RNF130: variants seen among roughly 807,000 people sequenced by gnomAD.
The protein encoded by RNF130 is E3 ubiquitin-protein ligase RNF130.
Under a neutral mutation model 44.6 loss-of-function variants are expected in RNF130, and 21 were observed. The ratio of observed to expected loss-of-function variants is 0.47; its 90% CI spans 0.33 to 0.68. The LOEUF is 0.68. RNF130 is among the 30% of genes least tolerant of loss of function. The pLI is 0.02. For synonymous variants in RNF130, 214 were observed against 210.4 expected (o/e 1.02, Z -0.15); for missense variants, 479 against 560.6 (o/e 0.85, Z 1.47).
At chr5:179,913,608 G>C (rs975280143) in exon 8 of RNF130, 11 of 152,304 alleles carry the variant, frequency 7.2e-5, no homozygotes, top group Admixed American at 6.5e-4. Context: ...AGGCTGTGGG[G>C]CCATAGCTGC....
At chr5:179,978,307 CA>C in intron 4 of RNF130, 22 bp from the exon 5 acceptor site, 1 of 1,523,630 alleles carries the variant, frequency 6.6e-7, no homozygotes, top group Non-Finnish European at 9.1e-7. Context: ...AGTACAGAAA[CA>C]AAAAGTCACA....
chr5:179,961,692 G>A (rs920174901), intron 8 of RNF130, among the ~76,000 whole-genome samples: 1 of 152,130 alleles, frequency 6.6e-6, no homozygotes, highest in African/African-American at 2.4e-5. Context: ...TTGCCTGATG[G>A]GTTAGCATGG....
At chr5:179,920,311 T>C (rs1353801084) in exon 8 of RNF130, 2 of 697,026 alleles carry the variant, frequency 2.9e-6, no homozygotes, top group Non-Finnish European at 5.3e-6. Flanking sequence ...AGGCCATGTT[T>C]AAAATTCAGG....
intron 7 of RNF130, among the ~76,000 whole-genome samples, chr5:179,921,263 T>C (rs1216073088): frequency 6.6e-6 from 1 of 152,172 alleles, no homozygotes; most frequent in Non-Finnish European, 1.5e-5. Flanking sequence ...TGCCTCTCAA[T>C]CCCTTGCCCT....
At chr5:180,005,894 T>A (rs529828298) in intron 3 of RNF130, among the ~76,000 whole-genome samples, 1 of 152,210 alleles carries the variant, frequency 6.6e-6, no homozygotes, top group African/African-American at 2.4e-5. Flanking sequence ...CCCAAGGATA[T>A]AGAAATGAAT....
intron 1 of RNF130, among the ~76,000 whole-genome samples, chr5:180,065,742 AGAGT>A (rs1765090407): frequency 1.3e-5 from 2 of 151,176 alleles, no homozygotes; most frequent in Non-Finnish European, 3.0e-5. Context: ...CCTGGGCGAC[AGAGT>A]GAGACTCTGT....
rs540357981 is a variant in RNF130, at chr5:180,046,360, C to T, written c.248-5713G>A. On this transcript the variant is annotated intron_variant, in intron 1 of 8. Transcript: ENST00000521389. ...CACCAAGGCGAGGAGGCACCGAGAGCGAGCAGGGGCTGCTAGCACGTTGTC... is the reference window on the plus strand; with the variant it reads ...CACCAAGGCGAGGAGGCACCGAGAGTGAGCAGGGGCTGCTAGCACGTTGTC... 3.0e-3 allele frequency among the ~76,000 whole-genome samples: 454 copies of T among 152,270 alleles called. 4 individuals carry two copies. Among genetic ancestry groups the T allele is most frequent in the Middle Eastern group, 0.014 (4 of 294 alleles).
intron 5 of RNF130, among the ~76,000 whole-genome samples, chr5:179,971,865 C>T (rs780301762): frequency 6.6e-6 from 1 of 152,156 alleles, no homozygotes; most frequent in Non-Finnish European, 1.5e-5. Context: ...TTGGCCTGAA[C>T]AATATACACA....
chr5:179,925,135 G>A (rs1038011252), intron 7 of RNF130, among the ~76,000 whole-genome samples: 10 of 152,224 alleles, frequency 6.6e-5, no homozygotes, highest in African/African-American at 2.4e-4. Context: ...CTAAAGAGGT[G>A]GGTGAAGGCG....
chr5:180,013,344 A>G lies in RNF130; in HGVS notation c.443-33T>C, dbSNP rs1763635969. ...ATAAAATAAATATATAACTCAAGTG[A>G]CATTTAAAACTTATGGAAACATCAA... is the stretch of plus-strand genomic sequence containing the variant. On this transcript the variant is annotated intron_variant, in intron 2 of 8. Transcript: ENST00000521389. 1.9e-6 allele frequency: 3 copies of G among 1,550,912 alleles called. No homozygotes were observed. In the African/African-American group the frequency reaches 4.1e-5, roughly 21 times the overall value.
intron 3 of RNF130, among the ~76,000 whole-genome samples, chr5:180,004,140 T>G (rs17619391): frequency 0.015 from 2,259 of 152,288 alleles, 32 homozygotes; most frequent in Middle Eastern, 0.024. Flanking sequence ...CTTGGAAATT[T>G]GCAATTTTAA....
At chr5:180,060,885 C>A (rs374289911) in intron 1 of RNF130, among the ~76,000 whole-genome samples, 1 of 151,790 alleles carries the variant, frequency 6.6e-6, no homozygotes. Flanking sequence ...CTGGCTAACA[C>A]GGTGAAACCC....
chr5:179,998,979 A>T (rs943271171), intron 3 of RNF130, among the ~76,000 whole-genome samples: 1 of 145,956 alleles, frequency 6.9e-6, no homozygotes, highest in East Asian at 2.0e-4. Flanking sequence ...TTATATTATG[A>T]TCTTCTTTGT....
chr5:179,989,307 G>A (rs1763024340), intron 3 of RNF130, among the ~76,000 whole-genome samples: 1 of 152,184 alleles, frequency 6.6e-6, no homozygotes, highest in South Asian at 2.1e-4. Flanking sequence ...AATTCAAGAT[G>A]AGATTTGGGT....
At chr5:180,000,089 A>G (rs62404976) in intron 3 of RNF130, among the ~76,000 whole-genome samples, 30,615 of 152,056 alleles carry the variant, frequency 0.2, 3,299 homozygotes, top group Middle Eastern at 0.25. Context: ...CAAAATGTAA[A>G]ACTCTCTCAA....
At chr5:179,914,936 G>A (rs1761519941) in exon 8 of RNF130, 1 of 152,330 alleles carries the variant, frequency 6.6e-6, no homozygotes, top group Admixed American at 6.5e-5. Flanking sequence ...GGAGGCAGAG[G>A]TGGGAGGATT....
chr5:180,018,164 A>G (rs937892115), intron 2 of RNF130, among the ~76,000 whole-genome samples: 14 of 152,078 alleles, frequency 9.2e-5, no homozygotes, highest in East Asian at 1.9e-4. Context: ...GTGTGGTGGC[A>G]GGCGCCTGTA....
At chr5:179,982,897 A>C (rs1287281257) in intron 3 of RNF130, among the ~76,000 whole-genome samples, 2 of 152,046 alleles carry the variant, frequency 1.3e-5, no homozygotes, top group Non-Finnish European at 2.9e-5. Flanking sequence ...TTACAGTTTT[A>C]ATTTGCATTT....
chr5:180,013,011 C>T (rs1464898211), intron 3 of RNF130, 50 bp downstream of exon 3: 1 of 1,569,994 alleles, frequency 6.4e-7, no homozygotes. Flanking sequence ...CGACAGATGA[C>T]TGTGAACTCT....
Sources: gnomAD v4.1 joint callset for allele counts (sites outside exome capture counted in the v4.1 genomes callset) on GRCh38, gnomAD v4.1.1 for gene constraint, MANE v1.5 for transcripts, NCBI Gene and HGNC (gene_info 2026-07-23, HGNC 2026-07-21) for gene names.